Variants in VIP observed in about 807,000 individuals in gnomAD.
The protein encoded by VIP is VIP peptides.
A neutral mutation model predicts 20.1 loss-of-function variants in VIP; 18 were observed. That is an observed-to-expected ratio of 0.90 (90% CI 0.62 to 1.33). The LOEUF is 1.33. Ranked by LOEUF, VIP falls within the 40% of genes most tolerant of loss-of-function variation. The pLI is 0.00. For synonymous variants in VIP, 70 were observed against 68.1 expected (o/e 1.03, Z -0.14); for missense variants, 209 against 199.4 (o/e 1.05, Z -0.29).
intron 1 of VIP, 56 bp from the exon 2 acceptor site, chr6:152,752,112 T>C (rs888739079): frequency 7.7e-7 from 1 of 1,300,984 alleles, no homozygotes; most frequent in Non-Finnish European, 1.1e-6. Flanking sequence ...ACAATCAGAA[T>C]TACCTTGCTG....
chr6:152,755,221 A>G, intron 3 of VIP, 48 bp from the exon 4 acceptor site: 1 of 1,263,022 alleles, frequency 7.9e-7, no homozygotes, highest in Non-Finnish European at 1.1e-6. Context: ...ATAATATTCT[A>G]GAAAGCCATT....
Position 152,757,274 on chromosome 6 carries a change from G to T in VIP, c.*43+90G>T, listed in dbSNP as rs555606925. The T allele has an allele frequency of 2.3e-5, 19 of 818,282 alleles. No individual in the cohort carries two copies. The African/African-American group carries it at 3.0e-4, about 13-fold the overall frequency. 50.7% of individuals were successfully genotyped at this position (818,282 alleles called of 1,614,324 possible). On this transcript the variant is annotated intron_variant, in intron 6 of 6. Transcript: ENST00000367244. ...AGTCACTTAGTAAGAAACATCTTAG[G>T]GTTAAATAGTTTCTCATCATGAGAC...
chr6:152,756,298 A>C (rs1406693618), intron 5 of VIP, 33 bp downstream of exon 5: 2 of 1,591,682 alleles, frequency 1.3e-6, no homozygotes, highest in African/African-American at 1.4e-5. Context: ...AAAATGAGGA[A>C]TCATGACTGA....
chr6:152,757,060 G>A, intron 5 of VIP, 36 bp from the exon 6 acceptor site: 4 of 1,605,304 alleles, frequency 2.5e-6, no homozygotes, highest in South Asian at 1.1e-5. Context: ...TCTCATCTGA[G>A]AGCCTTAATA....
chr6:152,756,140 C>T lies in VIP; in HGVS notation c.342C>T (p.Asn114=), dbSNP rs1490709599. 2.5e-6 allele frequency: 4 copies of T among 1,568,962 alleles called. No individual in the cohort carries two copies. Among genetic ancestry groups the T allele is most frequent in the East Asian group, 4.6e-5 (2 of 43,548 alleles). Residue 114 remains asparagine (N), a synonymous_variant, in exon 5 of 7, where the codon AAC becomes AAT. Coordinates refer to ENST00000367244, the MANE Select transcript of VIP (RefSeq NM_003381.4). ...ESLMGKRVSS[N]ISEDPVPVKR... The stretch of plus-strand genomic sequence containing the variant: ...TTTTCCTCATGTTCCTTAGCAGTAA[C>T]ATCTCAGAAGACCCTGTACCAGTCA...
In VIP at chr6:152,759,570, G is replaced by A. The variant is rs2099730924; in HGVS notation, c.*704G>A. The A allele has an allele frequency of 6.6e-6, 1 of 151,800 alleles. No individual in the cohort carries two copies. Among genetic ancestry groups the A allele is most frequent in the African/African-American group, 2.4e-5 (1 of 41,360 alleles). The allele number at this position is 151,800 out of a possible 1,614,324, so 9.4% of individuals were successfully genotyped here. A position where few individuals can be genotyped will look rare whatever the true frequency, so the allele number is the denominator to read the frequency against. On this transcript the variant is annotated 3_prime_UTR_variant, in exon 7 of 7. Transcript: ENST00000367244. Reference sequence around the variant, plus strand: ...AAACTTCCCTTTCTGCTTGTGTTAAGTATGTGTAAAATGTGAAGTGAATGA... The same window carrying A: ...AAACTTCCCTTTCTGCTTGTGTTAAATATGTGTAAAATGTGAAGTGAATGA...
In VIP at chr6:152,754,147, G is replaced by A. The variant is rs754933988; in HGVS notation, c.108-19G>A. 141 of 1,605,752 alleles carry A rather than the reference G, an allele frequency of 8.8e-5. No individual in the cohort carries two copies. In the Middle Eastern group the frequency reaches 1.0e-3, roughly 11 times the overall value. On this transcript the variant is annotated intron_variant, in intron 2 of 6. Coordinates refer to ENST00000367244, the MANE Select transcript of VIP (RefSeq NM_003381.4). ...TCTGAAAAAAGAATGTATTATTCTCGTGTAACTTTCCCCATCAGGTTGGGT... is the reference window on the plus strand; with the variant it reads ...TCTGAAAAAAGAATGTATTATTCTCATGTAACTTTCCCCATCAGGTTGGGT...
At chr6:152,754,355 C>T (rs1051577518) in intron 3 of VIP, 67 bp downstream of exon 3, 55 of 1,453,078 alleles carry the variant, frequency 3.8e-5, no homozygotes, top group East Asian at 7.1e-5. Flanking sequence ...GAACTATAAA[C>T]GTGCTTATTT....
intron 3 of VIP, 86 bp downstream of exon 3, chr6:152,754,374 C>T: frequency 1.5e-6 from 2 of 1,316,564 alleles, no homozygotes; most frequent in Non-Finnish European, 2.1e-6. Flanking sequence ...TTTATCTCAC[C>T]ATGAAGCTAT....
At chr6:152,757,915 G>A (rs923757718) in intron 6 of VIP, among the ~76,000 whole-genome samples, 4 of 151,542 alleles carry the variant, frequency 2.6e-5, no homozygotes, top group Admixed American at 1.3e-4. Flanking sequence ...ATTCACATTC[G>A]CTCATAAAAA....
At chr6:152,758,028 G>A (rs141970758) in intron 6 of VIP, among the ~76,000 whole-genome samples, 129 of 152,056 alleles carry the variant, frequency 8.5e-4, no homozygotes, top group African/African-American at 3.0e-3. Context: ...TTGGCTTTGT[G>A]AGCCATCTAT....
Position 152,756,155 on chromosome 6 carries a change from T to C in VIP, c.357T>C (p.Pro119=). 6.2e-7 allele frequency: 1 copy of C among 1,610,284 alleles called. No individual in the cohort carries two copies. Among genetic ancestry groups the C allele is most frequent in the Non-Finnish European group, 8.5e-7 (1 of 1,177,928 alleles). ...TTAGCAGTAACATCTCAGAAGACCCTGTACCAGTCAAACGTCACTCAGATG... is the reference window on the plus strand; with the variant it reads ...TTAGCAGTAACATCTCAGAAGACCCCGTACCAGTCAAACGTCACTCAGATG... The part of the protein sequence containing the change: ...KRVSSNISED[P]VPVKRHSDAV... The change falls in exon 5 of 7, where the codon CCT becomes CCC. Residue 119 remains proline (P), a synonymous_variant. Coordinates refer to ENST00000367244, the MANE Select transcript of VIP (RefSeq NM_003381.4).
Position 152,756,188 on chromosome 6 carries a change from C to T in VIP, c.390C>T (p.Phe130=), listed in dbSNP as rs759637289. The part of the protein sequence containing the change: ...VPVKRHSDAV[F]TDNYTRLRKQ... ...TCAAACGTCACTCAGATGCAGTCTT[C>T]ACTGACAACTATACCCGCCTTAGAA... Residue 130 remains phenylalanine, a synonymous_variant, in exon 5 of 7, where the codon TTC becomes TTT. Transcript: ENST00000367244. The T allele has an allele frequency of 6.2e-7, 1 of 1,611,870 alleles. No homozygotes were observed. Among genetic ancestry groups the T allele is most frequent in the Non-Finnish European group, 8.5e-7 (1 of 1,178,532 alleles).
chr6:152,751,399 G>A (rs1338822712), intron 1 of VIP, among the ~76,000 whole-genome samples: 1 of 151,792 alleles, frequency 6.6e-6, no homozygotes, highest in East Asian at 1.9e-4. Flanking sequence ...AATTTTTATA[G>A]GCAGCAAGAG....
At chr6:152,752,789 T>C (rs765894379) in intron 2 of VIP, among the ~76,000 whole-genome samples, 7 of 152,094 alleles carry the variant, frequency 4.6e-5, no homozygotes, top group Non-Finnish European at 7.4e-5. Context: ...AAATATGGGG[T>C]AATTGATCTA....
chr6:152,758,246 G>A (rs1003145187), intron 6 of VIP, among the ~76,000 whole-genome samples: 3 of 151,916 alleles, frequency 2.0e-5, no homozygotes, highest in Admixed American at 6.6e-5. Flanking sequence ...AGTTCCTGAT[G>A]GGGTTATCTA....
In VIP at chr6:152,752,303, C is replaced by A; in HGVS notation, c.107+19C>A. ...CTCTCAGGTAAGTTCCCTTTCAATTCAAACATCTGAACATTCCTTCCTCAT... is the reference window on the plus strand; with the variant it reads ...CTCTCAGGTAAGTTCCCTTTCAATTAAAACATCTGAACATTCCTTCCTCAT... On this transcript the variant is annotated intron_variant, in intron 2 of 6. Transcript: ENST00000367244. The A allele has an allele frequency of 6.3e-7, 1 of 1,584,032 alleles. No homozygotes were observed. The highest frequency in any genetic ancestry group is 1.1e-5 in the South Asian group (1 of 90,400).
At chr6:152,754,796 A>C (rs1423512303) in intron 3 of VIP, among the ~76,000 whole-genome samples, 1 of 151,880 alleles carries the variant, frequency 6.6e-6, no homozygotes, top group Non-Finnish European at 1.5e-5. Flanking sequence ...TCTCTATCTT[A>C]AGAGATTTTG....
intron 1 of VIP, among the ~76,000 whole-genome samples, chr6:152,751,440 A>G (rs1299868932): frequency 6.6e-6 from 1 of 152,140 alleles, no homozygotes; most frequent in Non-Finnish European, 1.5e-5. Context: ...CTTTTAATCT[A>G]GAAACTAGAA....
Sources: allele counts gnomAD v4.1 joint callset (sites outside exome capture counted in the v4.1 genomes callset), GRCh38; gene constraint gnomAD v4.1.1; transcripts MANE v1.5; gene names NCBI Gene and HGNC (gene_info 2026-07-23, HGNC 2026-07-21).